FIG4: variants seen among roughly 807,000 people sequenced by gnomAD.
The protein encoded by FIG4 is FIG4 phosphoinositide 5-phosphatase.
Under a neutral mutation model 118.6 loss-of-function variants are expected in FIG4, and 112 were observed. The ratio of observed to expected loss-of-function variants is 0.94; its 90% CI spans 0.81 to 1.11. FIG4 has a LOEUF of 1.11. Ranked by LOEUF, FIG4 falls within the 50% of genes least tolerant of loss-of-function variation. The pLI, the probability that FIG4 is intolerant of heterozygous loss-of-function variation, is 0.00. For synonymous variants in FIG4, 369 were observed against 381.2 expected (o/e 0.97, Z 0.37); for missense variants, 969 against 1,111.7 (o/e 0.87, Z 1.83).
rs1272853195 is a variant in FIG4, at chr6:109,802,054, A to G, written c.2546+5203A>G. On this transcript the variant is annotated intron_variant, in intron 22 of 22. Coordinates refer to ENST00000230124, the MANE Select transcript of FIG4 (RefSeq NM_014845.6). ...CTAATTCCCTCCACAGGCGGAGATA[A>G]TAAGTGATAAGAGCTCCTCAGCCCA... Among the ~76,000 whole-genome samples, 6 of 152,328 alleles carry G rather than the reference A, an allele frequency of 3.9e-5. No homozygotes were observed. The East Asian group carries it at 1.2e-3, about 29-fold the overall frequency.
intron 1 of FIG4, among the ~76,000 whole-genome samples, chr6:109,700,292 T>C (rs1774867494): frequency 6.6e-6 from 1 of 152,158 alleles, no homozygotes; most frequent in African/African-American, 2.4e-5. Context: ...ATGGTGAAAG[T>C]CTTAGTAGCC....
intron 10 of FIG4, among the ~76,000 whole-genome samples, chr6:109,757,088 C>G (rs1236572908): frequency 1.3e-5 from 2 of 152,162 alleles, no homozygotes; most frequent in East Asian, 1.9e-4. Context: ...GCTCCTCCCC[C>G]TCTCTTTTTT....
At chr6:109,704,835 T>C (rs1775015572) in intron 1 of FIG4, among the ~76,000 whole-genome samples, 1 of 152,166 alleles carries the variant, frequency 6.6e-6, no homozygotes, top group Admixed American at 6.5e-5. Context: ...TCTGGCTTTA[T>C]CAAATCCAGC....
chr6:109,724,671 G>T (rs1246291691), intron 3 of FIG4, among the ~76,000 whole-genome samples: 1 of 152,102 alleles, frequency 6.6e-6, no homozygotes, highest in East Asian at 1.9e-4. Flanking sequence ...AAAATGGAGA[G>T]CCAAATGTGG....
At chr6:109,768,461 C>T (rs1562672934) in intron 15 of FIG4, among the ~76,000 whole-genome samples, 1 of 152,206 alleles carries the variant, frequency 6.6e-6, no homozygotes, top group African/African-American at 2.4e-5. Flanking sequence ...TAACAAATGA[C>T]TGTAAATGTA....
Position 109,786,139 on chromosome 6 carries a change from C to A in FIG4, c.1949-163C>A, listed in dbSNP as rs1380981327. On this transcript the variant is annotated intron_variant, in intron 17 of 22. Transcript: ENST00000230124. ...ATTTTCTATGCATCTATCTCATCTC[C>A]TTTCTAACTGTGTAAGTGTTGGAGG... The A allele has an allele frequency of 1.3e-5, 8 of 626,642 alleles. No homozygotes were observed. In the African/African-American group the frequency reaches 1.5e-4, roughly 12 times the overall value. The allele number at this position is 626,642 out of a possible 1,614,324, so 38.8% of individuals were successfully genotyped here. A position where few individuals can be genotyped will look rare whatever the true frequency, so the allele number is the denominator to read the frequency against.
intron 12 of FIG4, 60 bp from the exon 13 acceptor site, chr6:109,763,877 C>A (rs1159612209): frequency 3.5e-6 from 4 of 1,138,142 alleles, no homozygotes; most frequent in Non-Finnish European, 4.0e-6. Context: ...GGATCTGGTA[C>A]TGAAAATAAA....
At chr6:109,796,280 G>A (rs920180128) in intron 21 of FIG4, among the ~76,000 whole-genome samples, 1 of 152,178 alleles carries the variant, frequency 6.6e-6, no homozygotes, top group African/African-American at 2.4e-5. Flanking sequence ...GTCTGTGGCC[G>A]GCTCTTAGCA....
At chr6:109,814,743 T>G (rs1778813496) in intron 22 of FIG4, among the ~76,000 whole-genome samples, 1 of 152,198 alleles carries the variant, frequency 6.6e-6, no homozygotes, top group Non-Finnish European at 1.5e-5. Context: ...CTCATCAGCC[T>G]TTGAATACTT....
intron 4 of FIG4, among the ~76,000 whole-genome samples, chr6:109,731,890 GT>G (rs530348105): frequency 1.2e-3 from 182 of 152,170 alleles, no homozygotes; most frequent in African/African-American, 4.1e-3. Context: ...ACGTAACTAG[GT>G]TTCAAAAAAT....
intron 22 of FIG4, among the ~76,000 whole-genome samples, chr6:109,810,088 C>T (rs1778679581): frequency 6.6e-6 from 1 of 152,124 alleles, no homozygotes; most frequent in African/African-American, 2.4e-5. Context: ...CCAGAACCTG[C>T]TCAGCAAATT....
intron 10 of FIG4, among the ~76,000 whole-genome samples, chr6:109,755,174 C>T (rs1322204677): frequency 6.6e-6 from 1 of 150,472 alleles, no homozygotes; most frequent in Non-Finnish European, 1.5e-5. Flanking sequence ...ATCTTTATTT[C>T]TGCCTTCATT....
At chr6:109,764,313 C>T (rs998080068) in intron 13 of FIG4, among the ~76,000 whole-genome samples, 6 of 151,884 alleles carry the variant, frequency 4.0e-5, no homozygotes, top group Admixed American at 6.6e-5. Context: ...TGGCATGCAC[C>T]TCTAGTCCCA....
At chr6:109,708,021 G>C (rs565265650) in intron 1 of FIG4, among the ~76,000 whole-genome samples, 36 of 148,462 alleles carry the variant, frequency 2.4e-4, no homozygotes, top group Middle Eastern at 3.6e-3. Context: ...TTAAGTTTGG[G>C]ATACATGTGC....
chr6:109,806,657 G>T (rs1482344534), intron 22 of FIG4, among the ~76,000 whole-genome samples: 2 of 151,586 alleles, frequency 1.3e-5, no homozygotes, highest in Non-Finnish European at 2.9e-5. Flanking sequence ...TAAGTTCTGG[G>T]ATACATGTAC....
intron 1 of FIG4, among the ~76,000 whole-genome samples, chr6:109,705,401 C>T (rs747497237): frequency 6.6e-6 from 1 of 152,202 alleles, no homozygotes; most frequent in Non-Finnish European, 1.5e-5. Flanking sequence ...CAGGGGTTTT[C>T]TTTCCCTCAT....
chr6:109,795,515 C>T (rs765782641), intron 21 of FIG4, among the ~76,000 whole-genome samples: 19 of 149,240 alleles, frequency 1.3e-4, no homozygotes, highest in Non-Finnish European at 2.7e-4. Flanking sequence ...TAAACTTTTC[C>T]ATAGTCTTCA....
chr6:109,721,022 A>G (rs576347217), intron 3 of FIG4, among the ~76,000 whole-genome samples: 1 of 152,140 alleles, frequency 6.6e-6, no homozygotes, highest in Non-Finnish European at 1.5e-5. Context: ...TCCTTTTGAT[A>G]CACAGCCCTT....
chr6:109,758,423 G>GGA (rs1776990951), intron 10 of FIG4, among the ~76,000 whole-genome samples: 1 of 75,636 alleles, frequency 1.3e-5, no homozygotes. Flanking sequence ...AACAGAAACT[G>GGA]GATCCTTTCC....
Sources: gnomAD v4.1 joint callset for allele counts (sites outside exome capture counted in the v4.1 genomes callset) on GRCh38, gnomAD v4.1.1 for gene constraint, MANE v1.5 for transcripts, NCBI Gene and HGNC (gene_info 2026-07-23, HGNC 2026-07-21) for gene names.